Variants in TYW1B observed in about 807,000 individuals in gnomAD.
The protein encoded by TYW1B is tRNA-yW synthesizing protein 1 homolog B, also known as S-adenosyl-L-methionine-dependent tRNA 4-demethylwyosine synthase TYW1B.
TYW1B carries 73 observed loss-of-function variants against 86.9 expected under a neutral mutation model. The observed-to-expected ratio is 0.84, with a 90% CI of 0.70 to 1.02. TYW1B has a LOEUF of 1.02. Among genes scored for constraint, TYW1B ranks in the 50% least tolerant of loss-of-function variants. TYW1B has a pLI of 0.00. For missense variants in TYW1B, 637 were observed against 827.4 expected, an observed-to-expected ratio of 0.77 and a Z score of 2.82; for synonymous variants, 248 against 292.8, an observed-to-expected ratio of 0.85 and a Z score of 1.56.
In TYW1B at chr7:72,625,976, C is replaced by A. The variant is rs1812340041; in HGVS notation, c.1617+2911G>T. On this transcript the variant is annotated intron_variant, in intron 12 of 13. Coordinates refer to ENST00000620995, the MANE Select transcript of TYW1B (RefSeq NM_001145440.3). ...CTTTATTATAATAGAGGTTTTACTG[C>A]AACATAATTTGAGGCAGCATTCTTT... is the stretch of plus-strand genomic sequence containing the variant. Among the ~76,000 whole-genome samples, 6 of 151,284 alleles carry A rather than the reference C, an allele frequency of 4.0e-5. No homozygotes were observed. In the South Asian group the frequency reaches 1.3e-3, roughly 32 times the overall value.
chr7:72,692,360 AAAAAATT>A (rs1554450495), intron 11 of TYW1B, among the ~76,000 whole-genome samples: 1 of 152,074 alleles, frequency 6.6e-6, no homozygotes, highest in East Asian at 1.9e-4. Flanking sequence ...AAAAAAAATC[AAAAAATT>A]AACTAGGCAT....
intron 5 of TYW1B, among the ~76,000 whole-genome samples, chr7:72,803,420 A>G (rs1483148741): frequency 6.6e-6 from 1 of 152,142 alleles, no homozygotes; most frequent in Non-Finnish European, 1.5e-5. Flanking sequence ...CTGAGTATCT[A>G]CTACGTACCC....
intron 11 of TYW1B, among the ~76,000 whole-genome samples, chr7:72,651,027 A>C (rs1554442704): frequency 6.6e-6 from 1 of 152,206 alleles, no homozygotes; most frequent in Non-Finnish European, 1.5e-5. Flanking sequence ...CACAGGCAAG[A>C]CCATTTTGGA....
rs553953085 is a variant in TYW1B at position 72,779,587 on chromosome 7, G to A, written c.847-2054C>T. 2.0e-5 allele frequency among the ~76,000 whole-genome samples: 3 copies of A among 151,674 alleles called. No individual in the cohort carries two copies. The Admixed American group carries it at 2.0e-4, about 10-fold the overall frequency. ...CAAAAATTAGTCAGGCATGGTGGCA[G>A]GCACCTATAATCCCAGCTACCAGGG... On this transcript the variant is annotated intron_variant, in intron 6 of 13. Transcript: ENST00000620995.
intron 6 of TYW1B, among the ~76,000 whole-genome samples, chr7:72,785,779 C>T (rs1304020447): frequency 1.3e-5 from 2 of 152,052 alleles, no homozygotes; most frequent in South Asian, 2.1e-4. Flanking sequence ...GATGATCATG[C>T]GGAAAGCACT....
chr7:72,805,567 C>T (rs1346469795), intron 5 of TYW1B, among the ~76,000 whole-genome samples: 1 of 150,362 alleles, frequency 6.7e-6, no homozygotes, highest in Non-Finnish European at 1.5e-5. Flanking sequence ...GAGCCATGAT[C>T]ATACCGTTGT....
intron 13 of TYW1B, among the ~76,000 whole-genome samples, chr7:72,583,275 G>A (rs563780295): frequency 6.6e-5 from 10 of 152,296 alleles, no homozygotes; most frequent in South Asian, 6.2e-4. Flanking sequence ...GGTTGAACCC[G>A]GGAGGTGGAG....
intron 11 of TYW1B, among the ~76,000 whole-genome samples, chr7:72,673,083 G>C (rs1813650212): frequency 6.6e-6 from 1 of 152,166 alleles, no homozygotes; most frequent in Non-Finnish European, 1.5e-5. Flanking sequence ...CAGGAGAATT[G>C]CTTGAACCCA....
Position 72,694,798 on chromosome 7 carries a change from C to T in TYW1B, c.1395G>A (p.Leu465=), listed in dbSNP as rs1554451144. 3.7e-6 allele frequency: 6 copies of T among 1,602,406 alleles called. No homozygotes were observed. The East Asian group carries it at 6.7e-5, about 18-fold the overall frequency. ...EIRNLEPVTQ[L]YVSVDASTKD... The stretch of plus-strand genomic sequence containing the variant: ...TGGTACTGGCATCCACACTGACATA[C>T]AGCTGAGTAACTGGCTCGAGGTTCC... Residue 465 remains leucine (L), a synonymous_variant, in exon 11 of 14, where the codon CTG becomes CTA. Transcript: ENST00000620995.
At chr7:72,643,691 AT>A (rs1335098300) in intron 11 of TYW1B, among the ~76,000 whole-genome samples, 1 of 152,220 alleles carries the variant, frequency 6.6e-6, no homozygotes, top group East Asian at 1.9e-4. Flanking sequence ...GATATTTGAT[AT>A]TTGGCATTTG....
chr7:72,663,864 T>G (rs1399774386), intron 11 of TYW1B, among the ~76,000 whole-genome samples: 1 of 151,792 alleles, frequency 6.6e-6, no homozygotes, highest in Non-Finnish European at 1.5e-5. Context: ...TTTTTTAATC[T>G]TACGACACTC....
chr7:72,705,113 A>G (rs1386286068), intron 10 of TYW1B, among the ~76,000 whole-genome samples: 2 of 152,206 alleles, frequency 1.3e-5, no homozygotes, highest in Admixed American at 1.3e-4. Context: ...ATTGAAAGAA[A>G]CTTCTATTGA....
intron 9 of TYW1B, among the ~76,000 whole-genome samples, chr7:72,726,971 C>T (rs1260171772): frequency 6.6e-6 from 1 of 152,140 alleles, no homozygotes; most frequent in African/African-American, 2.4e-5. Flanking sequence ...ATAAAACCAT[C>T]AGATCTCGTG....
intron 8 of TYW1B, among the ~76,000 whole-genome samples, chr7:72,741,849 A>G (rs1450019603): frequency 6.6e-6 from 1 of 152,186 alleles, no homozygotes; most frequent in African/African-American, 2.4e-5. Flanking sequence ...TTAAAATGTT[A>G]CAAGAAAAAA....
chr7:72,707,802 A>T (rs1481998440), intron 10 of TYW1B, among the ~76,000 whole-genome samples: 9 of 152,170 alleles, frequency 5.9e-5, no homozygotes, highest in Non-Finnish European at 1.0e-4. Flanking sequence ...TCTCATGTTG[A>T]ATTCGTAATG....
intron 3 of TYW1B, among the ~76,000 whole-genome samples, chr7:72,813,690 T>C (rs1402816040): frequency 6.6e-6 from 1 of 152,174 alleles, no homozygotes; most frequent in African/African-American, 2.4e-5. Flanking sequence ...GAGGAATATT[T>C]TTCAGATGAA....
rs1342354253 is a variant in TYW1B, at chr7:72,628,896, G to A, written c.1608C>T (p.Ile536=). The change falls in exon 12 of 14, where the codon ATC becomes ATT. Residue 536 remains isoleucine (I), a synonymous_variant. Transcript: ENST00000620995. ...QLVSLGNPDF[I]EVKGVTYCRE... is the part of the protein sequence containing the mutation. ...GTCAGCAGGGGCTTACCTTCACTTCGATGAAGTCAGGATTCCCCAGGGACA... is the reference window on the plus strand; with the variant it reads ...GTCAGCAGGGGCTTACCTTCACTTCAATGAAGTCAGGATTCCCCAGGGACA... 25 of 1,587,170 alleles carry A rather than the reference G, an allele frequency of 1.6e-5. No homozygotes were observed. The highest frequency in any genetic ancestry group is 2.1e-5 in the Non-Finnish European group (25 of 1,167,890).
chr7:72,775,588 T>G (rs1184996240), intron 7 of TYW1B, among the ~76,000 whole-genome samples: 1 of 152,104 alleles, frequency 6.6e-6, no homozygotes, highest in Non-Finnish European at 1.5e-5. Flanking sequence ...ATTACTGAAC[T>G]TGAAGACACA....
intron 11 of TYW1B, among the ~76,000 whole-genome samples, chr7:72,664,003 T>C (rs1390609826): frequency 6.6e-6 from 1 of 151,908 alleles, no homozygotes; most frequent in Admixed American, 6.6e-5. Flanking sequence ...ACATCAACTC[T>C]CTTACATCTT....
Sources: gnomAD v4.1 joint callset for allele counts (sites outside exome capture counted in the v4.1 genomes callset) on GRCh38, gnomAD v4.1.1 for gene constraint, MANE v1.5 for transcripts, NCBI Gene and HGNC (gene_info 2026-07-23, HGNC 2026-07-21) for gene names.